Variants in KRABD5 observed in about 807,000 individuals in gnomAD.
The protein encoded by KRABD5 is KRAB domain-containing protein 5.
At chr16:31,732,033 C>A in the KRABD5 span, among the ~76,000 whole-genome samples, 1 of 152,202 alleles carries the variant, frequency 6.6e-6, no homozygotes, top group Non-Finnish European at 1.5e-5. Flanking sequence ...ATGAATCCTC[C>A]TGGATTCTTG....
At chr16:31,754,638 A>C in the KRABD5 span, 1 of 464,214 alleles carries the variant, frequency 2.2e-6, no homozygotes, top group African/African-American at 2.0e-5. Flanking sequence ...AAATGTAATA[A>C]GTGTATAGAA....
chr16:31,736,661 G>A, the KRABD5 span, among the ~76,000 whole-genome samples: 1 of 151,700 alleles, frequency 6.6e-6, no homozygotes, highest in South Asian at 2.1e-4. Flanking sequence ...GGGATTACAG[G>A]CACCCACCAC....
the KRABD5 span, among the ~76,000 whole-genome samples, chr16:31,724,810 T>C: frequency 2.0e-5 from 3 of 152,188 alleles, no homozygotes; most frequent in East Asian, 1.9e-4. Context: ...ATCTTTTAAA[T>C]GAAAGTTTGT....
the KRABD5 span, chr16:31,723,231 G>A: frequency 1.2e-6 from 2 of 1,605,358 alleles, no homozygotes; most frequent in Non-Finnish European, 1.7e-6. Context: ...CCCAGCAAGA[G>A]TCATGTGACT....
the KRABD5 span, among the ~76,000 whole-genome samples, chr16:31,751,972 T>G: frequency 6.6e-6 from 1 of 152,224 alleles, no homozygotes; most frequent in Non-Finnish European, 1.5e-5. Context: ...TTCACTTATT[T>G]CAAAGAACTT....
chr16:31,753,956 T>A, the KRABD5 span: 19 of 1,545,956 alleles, frequency 1.2e-5, no homozygotes, highest in Non-Finnish European at 1.7e-5. Context: ...GTAAGACAAC[T>A]ACCTATAACA....
chr16:31,753,925 A>C, the KRABD5 span: 59 of 1,551,090 alleles, frequency 3.8e-5, no homozygotes, highest in Non-Finnish European at 4.7e-5. Flanking sequence ...CACAATGGAT[A>C]TTATGATGGA....
the KRABD5 span, among the ~76,000 whole-genome samples, chr16:31,731,534 C>T: frequency 6.6e-6 from 1 of 152,176 alleles, no homozygotes; most frequent in Non-Finnish European, 1.5e-5. Flanking sequence ...ATGACTGACC[C>T]CTGGTCACAG....
At chr16:31,744,854 AGGGTG>A in the KRABD5 span, among the ~76,000 whole-genome samples, 1 of 8,364 alleles carries the variant, frequency 1.2e-4, no homozygotes, top group Non-Finnish European at 2.6e-4. Flanking sequence ...TTGGGAGGGT[AGGGTG>A]TATGTGTCCA....
the KRABD5 span, among the ~76,000 whole-genome samples, chr16:31,740,687 A>C: frequency 2.6e-5 from 4 of 151,392 alleles, no homozygotes; most frequent in Non-Finnish European, 5.9e-5. Context: ...CCAGTGACTC[A>C]GGAGGCTGTG....
chr16:31,739,145 T>G, the KRABD5 span, among the ~76,000 whole-genome samples: 1 of 152,198 alleles, frequency 6.6e-6, no homozygotes, highest in African/African-American at 2.4e-5. Context: ...CAGAACACTT[T>G]ATATTTTTAT....
the KRABD5 span, among the ~76,000 whole-genome samples, chr16:31,724,534 A>G: frequency 7.1e-6 from 1 of 140,904 alleles, no homozygotes; most frequent in African/African-American, 3.1e-5. Context: ...AAAAAATACA[A>G]AAAAAAAATT....
chr16:31,731,545 C>T, the KRABD5 span, among the ~76,000 whole-genome samples: 1 of 152,190 alleles, frequency 6.6e-6, no homozygotes, highest in Non-Finnish European at 1.5e-5. Flanking sequence ...CTGGTCACAG[C>T]TGAGAGGGTC....
the KRABD5 span, among the ~76,000 whole-genome samples, chr16:31,750,321 C>A: frequency 1.3e-5 from 2 of 151,982 alleles, no homozygotes; most frequent in African/African-American, 4.8e-5. Context: ...GAATTATGTT[C>A]TTGATTTGGC....
At chr16:31,759,543 C>A in the KRABD5 span, 3 of 932,334 alleles carry the variant, frequency 3.2e-6, no homozygotes, top group Non-Finnish European at 4.9e-6. Flanking sequence ...TGTACATCTT[C>A]ACAAAAAAAA....
At chr16:31,759,530 G>C in the KRABD5 span, 1 of 1,048,864 alleles carries the variant, frequency 9.5e-7, no homozygotes, top group Non-Finnish European at 1.4e-6. Context: ...GCCTTGCAAT[G>C]TATGTACATC....
the KRABD5 span, chr16:31,722,645 A>G: frequency 2.5e-6 from 4 of 1,613,366 alleles, no homozygotes; most frequent in Middle Eastern, 3.3e-4. Context: ...ACATTCAGGG[A>G]TGTGGCCATA....
chr16:31,715,282 A>G, the KRABD5 span, among the ~76,000 whole-genome samples: 12 of 152,202 alleles, frequency 7.9e-5, no homozygotes, highest in Non-Finnish European at 8.8e-5. Context: ...AGGGGGAAAA[A>G]AAGGAAATAG....
At chr16:31,713,597 CG>C in the KRABD5 span, 1 of 1,054,692 alleles carries the variant, frequency 9.5e-7, no homozygotes, top group South Asian at 1.6e-5. Context: ...GGCCGGCAGC[CG>C]GGACCCCGCG....
Sources: allele counts gnomAD v4.1 joint callset (sites outside exome capture counted in the v4.1 genomes callset), GRCh38; gene constraint gnomAD v4.1.1; transcripts MANE v1.5; gene names NCBI Gene and HGNC (gene_info 2026-07-23, HGNC 2026-07-21).